SPAST: variants seen among roughly 807,000 people sequenced by gnomAD.
The protein encoded by SPAST is spastin, also known as spastic paraplegia 4 (autosomal dominant; spastin).
In SPAST, 30 loss-of-function variants were observed where a neutral mutation model predicts 76.6. The observed-to-expected ratio is 0.39, with a 90% CI of 0.29 to 0.53. The LOEUF is 0.53. Ranked by LOEUF, SPAST falls within the 20% of genes least tolerant of loss-of-function variation. The pLI is 0.68. For synonymous variants in SPAST, 305 were observed against 281.0 expected (o/e 1.09, Z -0.86); for missense variants, 717 against 770.5 (o/e 0.93, Z 0.82).
intron 1 of SPAST, among the ~76,000 whole-genome samples, chr2:32,067,366 G>A (rs1676564176): frequency 6.6e-6 from 1 of 152,022 alleles, no homozygotes; most frequent in African/African-American, 2.4e-5. Flanking sequence ...CCGACCACAA[G>A]GAAATTTTAG....
intron 4 of SPAST, among the ~76,000 whole-genome samples, chr2:32,100,723 T>A (rs1401309421): frequency 6.6e-6 from 1 of 152,166 alleles, no homozygotes; most frequent in Non-Finnish European, 1.5e-5. Context: ...TGGTTTTCTG[T>A]CCTTGCGATA....
At chr2:32,113,135 AT>A (rs1013180163) in intron 4 of SPAST, among the ~76,000 whole-genome samples, 3 of 150,078 alleles carry the variant, frequency 2.0e-5, no homozygotes, top group Non-Finnish European at 3.0e-5. Flanking sequence ...TATTATTATT[AT>A]TTTTTTTTTG....
At chr2:32,081,668 C>T (rs1248243612) in intron 1 of SPAST, among the ~76,000 whole-genome samples, 1 of 150,990 alleles carries the variant, frequency 6.6e-6, no homozygotes, top group African/African-American at 2.4e-5. Context: ...CCTGTAGTCC[C>T]AGCTACTCAG....
intron 4 of SPAST, among the ~76,000 whole-genome samples, chr2:32,101,549 C>T (rs961958618): frequency 6.6e-6 from 1 of 152,152 alleles, no homozygotes; most frequent in African/African-American, 2.4e-5. Flanking sequence ...TGCCAGTGCC[C>T]ATGCCAGTGT....
At chr2:32,065,261 G>GCTC (rs1676463218) in intron 1 of SPAST, among the ~76,000 whole-genome samples, 1 of 151,948 alleles carries the variant, frequency 6.6e-6, no homozygotes, top group African/African-American at 2.4e-5. Flanking sequence ...CTCGTGATCG[G>GCTC]GTCGCCTCGG....
chr2:32,124,273 T>C (rs1465555631), intron 7 of SPAST, among the ~76,000 whole-genome samples: 1 of 152,144 alleles, frequency 6.6e-6, no homozygotes, highest in Non-Finnish European at 1.5e-5. Flanking sequence ...GAATATATGC[T>C]CAACATCATG....
rs199736388 is a variant in SPAST, at chr2:32,136,522, G to A, written c.1246-41G>A. On this transcript the variant is annotated intron_variant, in intron 9 of 16. Coordinates refer to ENST00000315285, the MANE Select transcript of SPAST (RefSeq NM_014946.4). The stretch of plus-strand genomic sequence containing the variant: ...ATAAAATTTAAAAAACTGGAATAAT[G>A]TTGCATTTTATGTGTATAACAGTAT... The A allele has an allele frequency of 2.1e-5, 29 of 1,359,540 alleles. No individual in the cohort carries two copies. In the East Asian group the frequency reaches 5.7e-4, roughly 27 times the overall value. The allele number at this position is 1,359,540 out of a possible 1,614,324, so 84.2% of individuals were successfully genotyped here.
At chr2:32,135,082 G>C (rs1271119642) in intron 9 of SPAST, among the ~76,000 whole-genome samples, 2 of 151,898 alleles carry the variant, frequency 1.3e-5, no homozygotes, top group Non-Finnish European at 2.9e-5. Context: ...TGTCATAGGA[G>C]ATGATCTTTT....
At chr2:32,116,675 C>A (rs938180753) in intron 7 of SPAST, among the ~76,000 whole-genome samples, 2 of 152,168 alleles carry the variant, frequency 1.3e-5, no homozygotes, top group Non-Finnish European at 2.9e-5. Flanking sequence ...CTATATTGGC[C>A]AGGCTGGTCT....
At chr2:32,106,354 A>G (rs962118875) in intron 4 of SPAST, among the ~76,000 whole-genome samples, 5 of 152,170 alleles carry the variant, frequency 3.3e-5, no homozygotes, top group Non-Finnish European at 4.4e-5. Context: ...TCCAGGTACC[A>G]TATGTCACGG....
At chr2:32,135,564 ATTAC>A (rs1679509764) in intron 9 of SPAST, among the ~76,000 whole-genome samples, 1 of 152,180 alleles carries the variant, frequency 6.6e-6, no homozygotes, top group Non-Finnish European at 1.5e-5. Context: ...CTCATGACTC[ATTAC>A]TTTGGTGTAT....
intron 14 of SPAST, 129 bp downstream of exon 14, chr2:32,143,544 C>T (rs1420512003): frequency 1.2e-5 from 8 of 659,344 alleles, no homozygotes; most frequent in Non-Finnish European, 2.2e-5. Flanking sequence ...TTTCTCTCAT[C>T]CTCTACCTCC....
intron 7 of SPAST, among the ~76,000 whole-genome samples, chr2:32,119,443 T>C (rs1678946198): frequency 6.6e-6 from 1 of 152,180 alleles, no homozygotes; most frequent in Non-Finnish European, 1.5e-5. Context: ...TTTTATTTCA[T>C]TGTAGAAACA....
intron 4 of SPAST, among the ~76,000 whole-genome samples, chr2:32,107,103 C>T (rs1177052767): frequency 9.2e-5 from 14 of 152,048 alleles, no homozygotes. Context: ...CTGCATTCCC[C>T]ACTCCACCCT....
intron 16 of SPAST, among the ~76,000 whole-genome samples, chr2:32,153,006 C>T (rs1057479285): frequency 3.3e-5 from 5 of 152,040 alleles, no homozygotes; most frequent in African/African-American, 1.2e-4. Flanking sequence ...CTTCAGCCTC[C>T]CAAAGTTCTG....
intron 4 of SPAST, among the ~76,000 whole-genome samples, chr2:32,099,120 T>G (rs766435510): frequency 4.6e-5 from 7 of 152,232 alleles, no homozygotes; most frequent in Non-Finnish European, 1.0e-4. Flanking sequence ...AACCTCTGGT[T>G]TTTCAGATTA....
chr2:32,128,593 T>C, intron 9 of SPAST, 114 bp downstream of exon 9: 1 of 736,510 alleles, frequency 1.4e-6, no homozygotes, highest in Non-Finnish European at 2.4e-6. Context: ...TTATCTATTG[T>C]ATCTATTATT....
Position 32,154,991 on chromosome 2 carries a change from G to A in SPAST, c.*495G>A, listed in dbSNP as rs759893933. The A allele has an allele frequency of 6.5e-6, 1 of 152,732 alleles. No homozygotes were observed. Among genetic ancestry groups the A allele is most frequent in the Non-Finnish European group, 1.5e-5 (1 of 68,344 alleles). The allele number at this position is 152,732 out of a possible 1,614,324, so 9.5% of individuals were successfully genotyped here. A position where few individuals can be genotyped will look rare whatever the true frequency, so the allele number is the denominator to read the frequency against. ...ACTCTTAAGTTTATTTTCTTTTTTC[G>A]TTTTATAAATTCAGTGTGCCAAATG... On this transcript the variant is annotated 3_prime_UTR_variant, in exon 17 of 17. Coordinates refer to ENST00000315285, the MANE Select transcript of SPAST (RefSeq NM_014946.4).
intron 1 of SPAST, among the ~76,000 whole-genome samples, chr2:32,068,932 G>A (rs890630168): frequency 6.6e-6 from 1 of 150,624 alleles, no homozygotes; most frequent in South Asian, 2.1e-4. Context: ...GGCTCAAGCC[G>A]GGTGCAGTGG....
Sources: gnomAD v4.1 joint callset for allele counts (sites outside exome capture counted in the v4.1 genomes callset) on GRCh38, gnomAD v4.1.1 for gene constraint, MANE v1.5 for transcripts, NCBI Gene and HGNC (gene_info 2026-07-23, HGNC 2026-07-21) for gene names.